Variants in STARD13 observed in about 807,000 individuals in gnomAD.
The protein encoded by STARD13 is stAR-related lipid transfer protein 13.
STARD13 carries 62 observed loss-of-function variants against 106.4 expected under a neutral mutation model. That is an observed-to-expected ratio of 0.58 (90% CI 0.48 to 0.72). The LOEUF is 0.72. STARD13 is among the 30% of genes least tolerant of loss of function. STARD13 has a pLI of 0.00. For synonymous variants in STARD13, 565 were observed against 553.0 expected (o/e 1.02, Z -0.31); for missense variants, 1,387 against 1,424.0 (o/e 0.97, Z 0.42).
At chr13:33,184,490 T>C (rs1885555922) in intron 1 of STARD13, among the ~76,000 whole-genome samples, 1 of 152,164 alleles carries the variant, frequency 6.6e-6, no homozygotes, top group Non-Finnish European at 1.5e-5. Context: ...AGACAGTAAG[T>C]TGGAATTTTA....
the STARD13 span, among the ~76,000 whole-genome samples, chr13:33,550,768 A>G: frequency 6.6e-6 from 1 of 152,208 alleles, no homozygotes; most frequent in Non-Finnish European, 1.5e-5. Flanking sequence ...CTTTCAATAC[A>G]TATTCAAGGA....
upstream of STARD13, chr13:33,350,781 T>G: frequency 2.1e-6 from 1 of 466,582 alleles, no homozygotes; most frequent in Non-Finnish European, 2.8e-6. Flanking sequence ...CGCTTCCCCT[T>G]CCCTCCCTCG....
intron 1 of STARD13, among the ~76,000 whole-genome samples, chr13:33,176,564 G>A (rs1473587159): frequency 1.3e-5 from 2 of 152,080 alleles, no homozygotes; most frequent in African/African-American, 4.8e-5. Context: ...ATTTTTATTT[G>A]CAGTTTGTTA....
At chr13:33,494,770 G>T in the STARD13 span, among the ~76,000 whole-genome samples, 5 of 151,752 alleles carry the variant, frequency 3.3e-5, no homozygotes, top group Non-Finnish European at 5.9e-5. Flanking sequence ...AGAATGACCA[G>T]TTGGCCACTT....
chr13:33,492,200 T>G, the STARD13 span, among the ~76,000 whole-genome samples: 1 of 152,174 alleles, frequency 6.6e-6, no homozygotes, highest in Non-Finnish European at 1.5e-5. Context: ...GCCATCTGGA[T>G]GTATATGTGC....
At chr13:33,442,008 A>G in the STARD13 span, among the ~76,000 whole-genome samples, 5 of 152,258 alleles carry the variant, frequency 3.3e-5, no homozygotes, top group African/African-American at 1.2e-4. Flanking sequence ...TTAAACTAAT[A>G]TCAGTGGTTC....
At chr13:33,121,214 C>A (rs368199603) in intron 7 of STARD13, among the ~76,000 whole-genome samples, 4 of 152,178 alleles carry the variant, frequency 2.6e-5, no homozygotes, top group African/African-American at 9.7e-5. Flanking sequence ...CTTCCCCTCT[C>A]GATCCTCATA....
the STARD13 span, among the ~76,000 whole-genome samples, chr13:33,553,962 AT>A: frequency 9.2e-5 from 14 of 152,044 alleles, no homozygotes; most frequent in Admixed American, 2.0e-4. Context: ...TTCACAGCAA[AT>A]TTTTTAAAAG....
At chr13:33,629,701 A>T in the STARD13 span, among the ~76,000 whole-genome samples, 2 of 152,234 alleles carry the variant, frequency 1.3e-5, no homozygotes, top group South Asian at 4.1e-4. Flanking sequence ...TGGTGTCTTT[A>T]GATGTGTAAG....
At chr13:33,470,355 G>T in the STARD13 span, among the ~76,000 whole-genome samples, 1 of 152,106 alleles carries the variant, frequency 6.6e-6, no homozygotes. Context: ...CCAAGTCTTT[G>T]CTATTGTGAA....
the STARD13 span, among the ~76,000 whole-genome samples, chr13:33,439,246 T>G: frequency 6.6e-6 from 1 of 152,236 alleles, no homozygotes; most frequent in Non-Finnish European, 1.5e-5. Flanking sequence ...TGCCAAGTAT[T>G]CAGATTTATA....
At chr13:33,637,289 G>A in the STARD13 span, among the ~76,000 whole-genome samples, 19 of 152,096 alleles carry the variant, frequency 1.2e-4, no homozygotes, top group Non-Finnish European at 2.4e-4. Flanking sequence ...CAACAAAGTC[G>A]GGTGGCCTGA....
chr13:33,571,147 T>G, the STARD13 span, among the ~76,000 whole-genome samples: 1 of 152,122 alleles, frequency 6.6e-6, no homozygotes, highest in Non-Finnish European at 1.5e-5. Context: ...GTCAGACTCC[T>G]GAGGGGAAGA....
the STARD13 span, among the ~76,000 whole-genome samples, chr13:33,402,636 C>T: frequency 1.4e-4 from 22 of 152,150 alleles, no homozygotes; most frequent in Admixed American, 1.0e-3. Flanking sequence ...CCATATAAAT[C>T]CCAAACCCCA....
the STARD13 span, among the ~76,000 whole-genome samples, chr13:33,451,604 T>A: frequency 6.6e-6 from 1 of 152,194 alleles, no homozygotes; most frequent in South Asian, 2.1e-4. Context: ...GAGTTTGAAG[T>A]GACTATGAGA....
the STARD13 span, among the ~76,000 whole-genome samples, chr13:33,509,612 A>G: frequency 6.6e-6 from 1 of 152,184 alleles, no homozygotes; most frequent in Non-Finnish European, 1.5e-5. Flanking sequence ...CTGATTGCTA[A>G]GAGGGAGAAT....
chr13:33,613,623 A>G, the STARD13 span, among the ~76,000 whole-genome samples: 5 of 152,318 alleles, frequency 3.3e-5, no homozygotes, highest in East Asian at 7.7e-4. Context: ...ACCAAGCACC[A>G]TTGGTCTGGA....
chr13:33,231,276 G>A (rs1888906774), intron 1 of STARD13, among the ~76,000 whole-genome samples: 1 of 152,194 alleles, frequency 6.6e-6, no homozygotes, highest in African/African-American at 2.4e-5. Flanking sequence ...CCTGGACAGG[G>A]TGAAGATTTT....
the STARD13 span, among the ~76,000 whole-genome samples, chr13:33,645,407 C>G: frequency 6.6e-6 from 1 of 152,190 alleles, no homozygotes; most frequent in Non-Finnish European, 1.5e-5. Flanking sequence ...ATTCACCCAG[C>G]TGAGCTCAGC....
Sources: allele counts gnomAD v4.1 joint callset (sites outside exome capture counted in the v4.1 genomes callset), GRCh38; gene constraint gnomAD v4.1.1; transcripts MANE v1.5; gene names NCBI Gene and HGNC (gene_info 2026-07-23, HGNC 2026-07-21).